Variants in PPFIA2 observed in about 807,000 individuals in gnomAD.
PPFIA2 encodes the protein liprin-alpha-2.
Under a neutral mutation model 175.5 loss-of-function variants are expected in PPFIA2, and 46 were observed. The observed-to-expected ratio is 0.26, with a 90% CI of 0.21 to 0.34. The LOEUF (loss-of-function observed/expected upper bound fraction) is 0.34, where lower values mean the gene tolerates loss of function less well. Ranked by LOEUF, PPFIA2 falls within the 10% of genes least tolerant of loss-of-function variation. The pLI is 1.00. For synonymous variants in PPFIA2, 568 were observed against 511.4 expected (o/e 1.11, Z -1.49); for missense variants, 1,179 against 1,506.1 (o/e 0.78, Z 3.60).
At chr12:81,616,820 GTGCTTTAGACAGCATTATACA>G (rs2061461142) in intron 4 of PPFIA2, among the ~76,000 whole-genome samples, 1 of 152,100 alleles carries the variant, frequency 6.6e-6, no homozygotes, top group African/African-American at 2.4e-5. Context: ...CATGATTACA[GTGCTTTAGACAGCATTATACA>G]CACTGGCAGT....
At chr12:81,734,291 T>C (rs912732750) in intron 3 of PPFIA2, among the ~76,000 whole-genome samples, 3 of 151,732 alleles carry the variant, frequency 2.0e-5, no homozygotes, top group African/African-American at 2.4e-5. Context: ...TATGCACATA[T>C]AAGGAAAAAA....
chr12:81,419,262 G>A (rs376974937), intron 7 of PPFIA2, among the ~76,000 whole-genome samples: 21 of 151,882 alleles, frequency 1.4e-4, no homozygotes, highest in East Asian at 1.4e-3. Context: ...GCTCAACTAC[G>A]CTCTGCCTCA....
At chr12:81,609,672 A>G (rs950214113) in intron 4 of PPFIA2, among the ~76,000 whole-genome samples, 1 of 152,132 alleles carries the variant, frequency 6.6e-6, no homozygotes, top group African/African-American at 2.4e-5. Context: ...GTGTTGTTAC[A>G]TGTGAAATGG....
intron 4 of PPFIA2, among the ~76,000 whole-genome samples, chr12:81,655,538 T>C (rs968333923): frequency 2.0e-5 from 3 of 152,016 alleles, no homozygotes; most frequent in Non-Finnish European, 2.9e-5. Context: ...ACTTGAATTA[T>C]TTTTTGGCCA....
rs946431262 is a variant in PPFIA2, at chr12:81,624,748, G to T, written c.303+52043C>A. On this transcript the variant is annotated intron_variant, in intron 4 of 32. Coordinates refer to ENST00000549396, the MANE Select transcript of PPFIA2 (RefSeq NM_003625.5). ...AAGAGTGGAAAACCAAAAACTGTAG[G>T]TTCTCCCTTATAAGTGGGAGATAAG... Among the ~76,000 whole-genome samples the T allele has an allele frequency of 2.0e-5, 3 of 150,616 alleles. No individual in the cohort carries two copies. In the Admixed American group the frequency reaches 2.0e-4, roughly 10 times the overall value.
intron 7 of PPFIA2, among the ~76,000 whole-genome samples, chr12:81,431,782 C>G (rs911339928): frequency 6.6e-6 from 1 of 151,990 alleles, no homozygotes; most frequent in Admixed American, 6.6e-5. Context: ...ACCGAAAATC[C>G]AATCACATCT....
Position 81,545,629 on chromosome 12 carries a change from G to A in PPFIA2, c.304-87763C>T, listed in dbSNP as rs116195516. On this transcript the variant is annotated intron_variant, in intron 4 of 32. Coordinates refer to ENST00000549396, the MANE Select transcript of PPFIA2 (RefSeq NM_003625.5). ...CATGGCTAGAATTCTGCAGTCCTGTGAATGCAGAATAAAGACTGGCATCAG... is the reference window on the plus strand; with the variant it reads ...CATGGCTAGAATTCTGCAGTCCTGTAAATGCAGAATAAAGACTGGCATCAG... 915 of 152,696 alleles carry A rather than the reference G, an allele frequency of 6.0e-3. 12 individuals are homozygous for A. The highest frequency in any genetic ancestry group is 0.021 in the African/African-American group (862 of 41,578). 9.5% of individuals were successfully genotyped at this position (152,696 alleles called of 1,614,324 possible).
At chr12:81,632,663 T>C (rs1252089273) in intron 4 of PPFIA2, among the ~76,000 whole-genome samples, 1 of 152,106 alleles carries the variant, frequency 6.6e-6, no homozygotes, top group Non-Finnish European at 1.5e-5. Flanking sequence ...CTGGTAGGAA[T>C]TACACAATAT....
chr12:81,565,972 T>A (rs562821485), intron 4 of PPFIA2, among the ~76,000 whole-genome samples: 2 of 152,172 alleles, frequency 1.3e-5, no homozygotes, highest in South Asian at 4.1e-4. Context: ...CTGTCACATA[T>A]GTATATTTAC....
At chr12:81,467,091 G>A (rs980876662) in intron 4 of PPFIA2, among the ~76,000 whole-genome samples, 2 of 151,626 alleles carry the variant, frequency 1.3e-5, no homozygotes, top group African/African-American at 4.8e-5. Flanking sequence ...TCAGGGACAA[G>A]AGGATTATCT....
intron 7 of PPFIA2, among the ~76,000 whole-genome samples, chr12:81,422,373 A>G (rs2046430684): frequency 6.6e-6 from 1 of 152,090 alleles, no homozygotes; most frequent in Non-Finnish European, 1.5e-5. Flanking sequence ...ACCCTGCTGC[A>G]TGACTACTTT....
chr12:81,309,797 C>T (rs545787790), intron 22 of PPFIA2, among the ~76,000 whole-genome samples: 1 of 151,996 alleles, frequency 6.6e-6, no homozygotes, highest in Admixed American at 6.5e-5. Flanking sequence ...GTTATGTAAT[C>T]TCCTTCCTTA....
At chr12:81,525,142 T>C (rs2063588179) in intron 4 of PPFIA2, among the ~76,000 whole-genome samples, 1 of 152,192 alleles carries the variant, frequency 6.6e-6, no homozygotes, top group Non-Finnish European at 1.5e-5. Context: ...CATTCCTTAA[T>C]AATTCTCTAC....
chr12:81,717,764 T>G (rs2078823801), intron 3 of PPFIA2, among the ~76,000 whole-genome samples: 2 of 151,616 alleles, frequency 1.3e-5, no homozygotes, highest in South Asian at 4.1e-4. Flanking sequence ...TAGGACAAGC[T>G]CCATGTAAGG....
intron 8 of PPFIA2, among the ~76,000 whole-genome samples, chr12:81,404,317 T>G (rs1183617371): frequency 1.3e-5 from 2 of 152,180 alleles, no homozygotes; most frequent in Non-Finnish European, 2.9e-5. Flanking sequence ...TAGCCTTTTA[T>G]GAAAAAGACT....
At chr12:81,486,197 C>T (rs1347096470) in intron 4 of PPFIA2, among the ~76,000 whole-genome samples, 2 of 151,686 alleles carry the variant, frequency 1.3e-5, no homozygotes, top group African/African-American at 2.4e-5. Flanking sequence ...GTGTTGCTAC[C>T]ATGATGATCC....
intron 7 of PPFIA2, among the ~76,000 whole-genome samples, chr12:81,413,507 C>T (rs2044372474): frequency 6.6e-6 from 1 of 151,636 alleles, no homozygotes; most frequent in Non-Finnish European, 1.5e-5. Flanking sequence ...ACTGCTCTAG[C>T]GTGAGGAGGC....
At chr12:81,436,158 G>A (rs1293338348) in intron 7 of PPFIA2, among the ~76,000 whole-genome samples, 1 of 151,090 alleles carries the variant, frequency 6.6e-6, no homozygotes. Context: ...GCATGCAACT[G>A]TAGTCCCAGC....
intron 4 of PPFIA2, among the ~76,000 whole-genome samples, chr12:81,613,640 C>T (rs888525129): frequency 6.6e-6 from 1 of 152,074 alleles, no homozygotes; most frequent in Non-Finnish European, 1.5e-5. Context: ...TTTAAATCTA[C>T]AAGCATAATT....
Sources: gnomAD v4.1 joint callset for allele counts (sites outside exome capture counted in the v4.1 genomes callset) on GRCh38, gnomAD v4.1.1 for gene constraint, MANE v1.5 for transcripts, NCBI Gene and HGNC (gene_info 2026-07-23, HGNC 2026-07-21) for gene names.